TENM2: variants seen among roughly 807,000 people sequenced by gnomAD.
TENM2 encodes the protein teneurin transmembrane protein 2.
A neutral mutation model predicts 245.2 loss-of-function variants in TENM2; 52 were observed. That is an observed-to-expected ratio of 0.21 (90% CI 0.17 to 0.27). The LOEUF (loss-of-function observed/expected upper bound fraction) is 0.27, where lower values mean the gene tolerates loss of function less well. Ranked by LOEUF, TENM2 falls within the 10% of genes least tolerant of loss-of-function variation. The pLI is 1.00. For missense variants in TENM2, 3,046 were observed against 3,666.8 expected (o/e 0.83, Z 4.37); for synonymous variants, 1,363 against 1,438.9 (o/e 0.95, Z 1.19).
chr5:168,100,160 C>A (rs936103087), intron 9 of TENM2, among the ~76,000 whole-genome samples: 2 of 152,108 alleles, frequency 1.3e-5, no homozygotes, highest in Admixed American at 6.5e-5. Context: ...TATACAATCA[C>A]GTCATCTGCA....
At chr5:167,041,821 G>A in the TENM2 span, among the ~76,000 whole-genome samples, 1 of 152,134 alleles carries the variant, frequency 6.6e-6, no homozygotes, top group Non-Finnish European at 1.5e-5. Flanking sequence ...GGGCACAAGT[G>A]GTCCATGCTG....
intron 2 of TENM2, among the ~76,000 whole-genome samples, chr5:167,642,692 G>A (rs765300690): frequency 9.2e-5 from 14 of 152,224 alleles, no homozygotes; most frequent in Admixed American, 8.5e-4. Context: ...TAGTAGAATT[G>A]TAAAAGGATT....
chr5:167,726,177 G>T (rs1759991153), intron 2 of TENM2, among the ~76,000 whole-genome samples: 1 of 151,932 alleles, frequency 6.6e-6, no homozygotes, highest in South Asian at 2.1e-4. Flanking sequence ...AATTTAAAAG[G>T]TGCCTTTAAA....
intron 2 of TENM2, among the ~76,000 whole-genome samples, chr5:167,756,697 G>A (rs1190113360): frequency 6.6e-6 from 1 of 152,118 alleles, no homozygotes; most frequent in Non-Finnish European, 1.5e-5. Flanking sequence ...CAAGCATAGT[G>A]TTCTCTCAAG....
chr5:167,664,912 C>A (rs531298717), intron 2 of TENM2, among the ~76,000 whole-genome samples: 5 of 152,270 alleles, frequency 3.3e-5, no homozygotes, highest in Non-Finnish European at 7.4e-5. Flanking sequence ...GTTTGTACAA[C>A]CTTAAGGCAC....
At chr5:167,461,032 A>C (rs752614702) in intron 2 of TENM2, among the ~76,000 whole-genome samples, 2 of 152,204 alleles carry the variant, frequency 1.3e-5, no homozygotes, top group Non-Finnish European at 2.9e-5. Flanking sequence ...CCTAAACTGA[A>C]TGTAATTTTT....
intron 12 of TENM2, 63 bp from the exon 15 acceptor site, chr5:168,162,548 T>G: frequency 6.4e-7 from 1 of 1,571,214 alleles, no homozygotes; most frequent in Non-Finnish European, 8.7e-7. Context: ...TCTGCATGGC[T>G]CCCCTGCTTC....
intron 2 of TENM2, among the ~76,000 whole-genome samples, chr5:167,481,122 T>C (rs1767732760): frequency 6.6e-6 from 1 of 152,178 alleles, no homozygotes; most frequent in African/African-American, 2.4e-5. Flanking sequence ...AGAGACGTCA[T>C]TTTATATAAA....
At chr5:167,852,291 A>G (rs1770653514) in intron 2 of TENM2, among the ~76,000 whole-genome samples, 2 of 152,244 alleles carry the variant, frequency 1.3e-5, no homozygotes, top group Non-Finnish European at 2.9e-5. Context: ...CTATGAAGAT[A>G]TCATTAAGCA....
Position 168,070,292 on chromosome 5 carries a change from T to C in TENM2, c.1515+8027T>C, listed in dbSNP as rs139456174. 3.7e-3 allele frequency among the ~76,000 whole-genome samples: 567 copies of C among 152,242 alleles called. 4 individuals carry two copies. The highest frequency in any genetic ancestry group is 0.013 in the African/African-American group (536 of 41,552). Reference sequence around the variant, plus strand: ...AACCTGAATTTCCCTAAATATGATATAAAATAAACTTTTTGGCAGGGTTTC... The same window carrying C: ...AACCTGAATTTCCCTAAATATGATACAAAATAAACTTTTTGGCAGGGTTTC... On this transcript the variant is annotated intron_variant, in intron 7 of 28. Coordinates refer to ENST00000518659, the Ensembl canonical transcript of TENM2.
the TENM2 span, among the ~76,000 whole-genome samples, chr5:167,066,342 G>A: frequency 4.6e-5 from 7 of 152,176 alleles, no homozygotes; most frequent in South Asian, 6.2e-4. Flanking sequence ...CTTATTCCAT[G>A]GGTTAGTTCC....
the TENM2 span, among the ~76,000 whole-genome samples, chr5:167,235,431 C>T: frequency 7.2e-5 from 11 of 152,032 alleles, no homozygotes; most frequent in African/African-American, 2.2e-4. Context: ...CCCACAATTA[C>T]GAGTCCTTTA....
chr5:167,279,888 A>G (rs1770951724), upstream of TENM2, among the ~76,000 whole-genome samples: 1 of 152,124 alleles, frequency 6.6e-6, no homozygotes, highest in South Asian at 2.1e-4. Context: ...TTGTCATCTC[A>G]GCGTTGGCAT....
chr5:167,794,274 T>G (rs1765173667), intron 2 of TENM2, among the ~76,000 whole-genome samples: 1 of 152,130 alleles, frequency 6.6e-6, no homozygotes, highest in African/African-American at 2.4e-5. Context: ...AACATTTACT[T>G]TGGGCATGAC....
the TENM2 span, among the ~76,000 whole-genome samples, chr5:167,101,879 ACTTATATATATG>A: frequency 1.0e-5 from 1 of 100,500 alleles, no homozygotes; most frequent in South Asian, 3.8e-4. Context: ...ATATATATGC[ACTTATATATATG>A]TATATATAAT....
chr5:167,597,978 A>C (rs748180941), intron 2 of TENM2, among the ~76,000 whole-genome samples: 4 of 152,206 alleles, frequency 2.6e-5, no homozygotes, highest in Non-Finnish European at 5.9e-5. Context: ...AAACCTGTGA[A>C]TAACAGAATA....
chr5:167,805,674 C>T (rs75529495), intron 2 of TENM2, among the ~76,000 whole-genome samples: 3,081 of 152,028 alleles, frequency 0.02, 110 homozygotes, highest in African/African-American at 0.07. Flanking sequence ...TTTTTCTTTT[C>T]GCTTAGCTCT....
At chr5:168,080,064 CT>C (rs573244368) in intron 7 of TENM2, among the ~76,000 whole-genome samples, 171 of 152,188 alleles carry the variant, frequency 1.1e-3, no homozygotes, top group African/African-American at 3.4e-3. Flanking sequence ...TGGTCCTAGA[CT>C]TTTTTTGGTT....
At chr5:167,715,329 A>G (rs1263982798) in intron 2 of TENM2, among the ~76,000 whole-genome samples, 2 of 152,214 alleles carry the variant, frequency 1.3e-5, no homozygotes, top group African/African-American at 4.8e-5. Flanking sequence ...CTACAAAAAA[A>G]TAGTGAACAC....
Sources: gnomAD v4.1 joint callset for allele counts (sites outside exome capture counted in the v4.1 genomes callset) on GRCh38, gnomAD v4.1.1 for gene constraint, MANE v1.5 for transcripts, NCBI Gene and HGNC (gene_info 2026-07-23, HGNC 2026-07-21) for gene names.